ADGRB3: variants seen among roughly 807,000 people sequenced by gnomAD.
The protein encoded by ADGRB3 is adhesion G protein-coupled receptor B3.
Under a neutral mutation model 193.4 loss-of-function variants are expected in ADGRB3, and 37 were observed. The observed-to-expected ratio is 0.19, with a 90% CI of 0.15 to 0.25. The LOEUF (loss-of-function observed/expected upper bound fraction) is 0.25. ADGRB3 is among the 10% of genes least tolerant of loss of function. The pLI is 1.00. For missense variants in ADGRB3, 1,637 were observed against 1,852.9 expected (o/e 0.88, Z 2.14); for synonymous variants, 690 against 644.2 (o/e 1.07, Z -1.08).
Position 69,007,354 on chromosome 6 carries a change from A to G in ADGRB3, c.1930-6684A>G, listed in dbSNP as rs139477326. ...TAGACTTTGATTTTTAATACAACTC[A>G]TGTAATAGAACCACTGTGGGATCAA... On this transcript the variant is annotated intron_variant, in intron 11 of 31. Transcript: ENST00000370598. Among the ~76,000 whole-genome samples, 1,324 of 152,258 alleles carry G rather than the reference A, an allele frequency of 8.7e-3. 19 individuals are homozygous for G. Among genetic ancestry groups the G allele is most frequent in the African/African-American group, 0.03 (1,263 of 41,526 alleles).
At chr6:68,844,483 C>T (rs1768234545) in intron 3 of ADGRB3, among the ~76,000 whole-genome samples, 2 of 152,204 alleles carry the variant, frequency 1.3e-5, no homozygotes, top group South Asian at 4.1e-4. Flanking sequence ...ATCTAAAAGA[C>T]AGGTAATCAC....
intron 17 of ADGRB3, among the ~76,000 whole-genome samples, chr6:69,087,737 A>C (rs1772591707): frequency 1.3e-5 from 2 of 152,220 alleles, no homozygotes; most frequent in African/African-American, 4.8e-5. Flanking sequence ...GGTAGAAAGA[A>C]TTGGAAAATA....
chr6:68,882,153 C>A (rs766894402), intron 3 of ADGRB3, among the ~76,000 whole-genome samples: 66 of 152,092 alleles, frequency 4.3e-4, no homozygotes, highest in Non-Finnish European at 8.5e-4. Context: ...TTTTTCTAAA[C>A]CTGGGACATA....
At position 68,676,219 on chromosome 6, in the gene ADGRB3, C is replaced by T. The variant is rs2585595; in HGVS notation, c.757+36787C>T. ...CATCCTGGCTAACATCACGAAACCC[C>T]GTCTCCACTAAAAGTACAAAATATT... On this transcript the variant is annotated intron_variant, in intron 3 of 31. Transcript: ENST00000370598. 9.7e-3 allele frequency among the ~76,000 whole-genome samples: 1,478 copies of T among 151,642 alleles called. 24 individuals carry two copies. Among genetic ancestry groups the T allele is most frequent in the African/African-American group, 0.034 (1,408 of 41,336 alleles).
At position 68,980,674 on chromosome 6, in the gene ADGRB3, C is replaced by T. The variant is rs149179810; in HGVS notation, c.1734+5334C>T. On this transcript the variant is annotated intron_variant, in intron 10 of 31. Transcript: ENST00000370598. ...TTTCTTCAATGAGCAATTAAGAAAC[C>T]AGTAAACAAATGCCGAGGTTCAGCT... Among the ~76,000 whole-genome samples the T allele has an allele frequency of 2.7e-3, 415 of 151,548 alleles. 3 individuals are homozygous for T. The highest frequency in any genetic ancestry group is 9.5e-3 in the African/African-American group (392 of 41,480).
chr6:69,152,228 A>G (rs1774700706), intron 17 of ADGRB3, among the ~76,000 whole-genome samples: 1 of 152,156 alleles, frequency 6.6e-6, no homozygotes, highest in Non-Finnish European at 1.5e-5. Flanking sequence ...ATGTTTCAAA[A>G]ATGTATGCAT....
At chr6:68,883,393 G>A (rs1197419507) in intron 3 of ADGRB3, among the ~76,000 whole-genome samples, 1 of 152,200 alleles carries the variant, frequency 6.6e-6, no homozygotes, top group African/African-American at 2.4e-5. Context: ...AAAGCAGGCT[G>A]CAGCACCAGC....
intron 3 of ADGRB3, among the ~76,000 whole-genome samples, chr6:68,843,443 A>G (rs1023096593): frequency 6.6e-6 from 1 of 152,028 alleles, no homozygotes; most frequent in Non-Finnish European, 1.5e-5. Flanking sequence ...AAATAAAATT[A>G]AATGCCTAGA....
Position 68,700,568 on chromosome 6 carries a change from C to G in ADGRB3, c.757+61136C>G, listed in dbSNP as rs142998853. Among the ~76,000 whole-genome samples, 366 of 151,970 alleles carry G rather than the reference C, an allele frequency of 2.4e-3. 2 individuals are homozygous for G. The highest frequency in any genetic ancestry group is 8.5e-3 in the African/African-American group (351 of 41,448). On this transcript the variant is annotated intron_variant, in intron 3 of 31. Coordinates refer to ENST00000370598, the MANE Select transcript of ADGRB3 (RefSeq NM_001704.3). The stretch of plus-strand genomic sequence containing the variant: ...TATTTGTAATGTGTTTTCCCTTTAT[C>G]CATCATAATTAAACAATTTCAGTAT...
chr6:68,738,162 C>T (rs1765908009), intron 3 of ADGRB3, among the ~76,000 whole-genome samples: 1 of 152,048 alleles, frequency 6.6e-6, no homozygotes, highest in Admixed American at 6.6e-5. Flanking sequence ...ATACATAAAA[C>T]AAAAGCATTG....
chr6:69,182,683 A>C (rs1482131520), intron 17 of ADGRB3, among the ~76,000 whole-genome samples: 1 of 152,038 alleles, frequency 6.6e-6, no homozygotes, highest in Non-Finnish European at 1.5e-5. Context: ...AATTGAAAAC[A>C]CCTATCATAG....
chr6:69,005,656 C>A (rs1258988468), intron 11 of ADGRB3, among the ~76,000 whole-genome samples: 1 of 152,164 alleles, frequency 6.6e-6, no homozygotes, highest in Non-Finnish European at 1.5e-5. Flanking sequence ...TCTGTTCTCA[C>A]ATTCCTTTTG....
chr6:69,219,489 A>ATATATATATATG, intron 17 of ADGRB3, among the ~76,000 whole-genome samples: 1 of 129,356 alleles, frequency 7.7e-6, no homozygotes, highest in Non-Finnish European at 1.6e-5. Flanking sequence ...ATATATATAT[A>ATATATATATATG]TATACGTGTG....
intron 3 of ADGRB3, among the ~76,000 whole-genome samples, chr6:68,652,013 T>A (rs1228423595): frequency 6.6e-6 from 1 of 152,074 alleles, no homozygotes; most frequent in Non-Finnish European, 1.5e-5. Context: ...TAGGATCCTA[T>A]GGCCTGCATA....
At chr6:69,356,622 A>G (rs1318019371) in intron 28 of ADGRB3, among the ~76,000 whole-genome samples, 1 of 152,090 alleles carries the variant, frequency 6.6e-6, no homozygotes, top group Non-Finnish European at 1.5e-5. Context: ...CCACCAAGTA[A>G]TGGTTGTTGG....
At chr6:68,831,058 G>A (rs571299) in intron 3 of ADGRB3, among the ~76,000 whole-genome samples, 33,077 of 151,694 alleles carry the variant, frequency 0.22, 4,161 homozygotes, top group East Asian at 0.58. Flanking sequence ...ATTGAGAAAG[G>A]AATCCTGGAA....
At chr6:68,875,208 C>G (rs1339814189) in intron 3 of ADGRB3, among the ~76,000 whole-genome samples, 1 of 91,838 alleles carries the variant, frequency 1.1e-5, no homozygotes, top group Non-Finnish European at 2.2e-5. Context: ...TTCCCCCGGC[C>G]CCTCTCCTTC....
At chr6:68,920,603 A>G (rs1457993450) in intron 3 of ADGRB3, among the ~76,000 whole-genome samples, 3 of 152,008 alleles carry the variant, frequency 2.0e-5, no homozygotes, top group East Asian at 3.9e-4. Context: ...AACACTGGAT[A>G]CTACGAGTGA....
intron 3 of ADGRB3, among the ~76,000 whole-genome samples, chr6:68,782,421 C>T (rs1337587337): frequency 1.1e-4 from 16 of 151,648 alleles, no homozygotes; most frequent in Non-Finnish European, 1.3e-4. Flanking sequence ...TGAATAGTGC[C>T]GCAATAAACA....
Sources: allele counts gnomAD v4.1 joint callset (sites outside exome capture counted in the v4.1 genomes callset), GRCh38; gene constraint gnomAD v4.1.1; transcripts MANE v1.5; gene names NCBI Gene and HGNC (gene_info 2026-07-23, HGNC 2026-07-21).